Variants in SRP72 observed in about 807,000 individuals in gnomAD.
SRP72 encodes the protein signal recognition particle subunit SRP72.
SRP72 carries 49 observed loss-of-function variants against 96.3 expected under a neutral mutation model. The observed-to-expected ratio is 0.51, with a 90% CI of 0.40 to 0.65. The LOEUF is 0.65. Ranked by LOEUF, SRP72 falls within the 30% of genes least tolerant of loss-of-function variation. The pLI, the probability that SRP72 is intolerant of heterozygous loss-of-function variation, is 0.00. For synonymous variants in SRP72, 267 were observed against 275.2 expected (o/e 0.97, Z 0.30); for missense variants, 736 against 793.3 (o/e 0.93, Z 0.87).
At position 56,500,570 on chromosome 4, in the gene SRP72, C is replaced by G. The variant is rs1470204953; in HGVS notation, c.1713C>G (p.Thr571=). ...CTAAGAATTATGACCCAAAAGTTACCCCAGATCCAGAAAGATGGCTGCCAA... is the reference window on the plus strand; with the variant it reads ...CTAAGAATTATGACCCAAAAGTTACGCCAGATCCAGAAAGATGGCTGCCAA... ...KLPKNYDPKV[T]PDPERWLPMR... is the part of the protein sequence containing the mutation. The change falls in exon 18 of 19, where the codon ACC becomes ACG. Residue 571 remains threonine (T), a synonymous_variant. Coordinates refer to ENST00000642900, the MANE Select transcript of SRP72 (RefSeq NM_006947.4). 1 of 1,613,526 alleles carries G rather than the reference C, an allele frequency of 6.2e-7. No homozygotes were observed. Among genetic ancestry groups the G allele is most frequent in the Non-Finnish European group, 8.5e-7 (1 of 1,179,776 alleles).
rs564556915 is a variant in SRP72, at chr4:56,497,679, A to G, written c.1678+2285A>G. On this transcript the variant is annotated intron_variant, in intron 17 of 18. Coordinates refer to ENST00000642900, the MANE Select transcript of SRP72 (RefSeq NM_006947.4). ...ATCTTTAAAAAAAAAGAAAAGGAGTATCACCGAGAATATTCTGTTCTTAAC... is the reference window on the plus strand; with the variant it reads ...ATCTTTAAAAAAAAAGAAAAGGAGTGTCACCGAGAATATTCTGTTCTTAAC... 7.9e-5 allele frequency among the ~76,000 whole-genome samples: 12 copies of G among 152,218 alleles called. No individual in the cohort carries two copies. The South Asian group carries it at 2.5e-3, about 32-fold the overall frequency.
chr4:56,479,853 C>G (rs976073960), intron 8 of SRP72, among the ~76,000 whole-genome samples: 1 of 152,084 alleles, frequency 6.6e-6, no homozygotes, highest in African/African-American at 2.4e-5. Flanking sequence ...TTTGAACATA[C>G]AATTTATCTT....
chr4:56,467,773 G>GGGGCGGC, intron 1 of SRP72, 29 bp downstream of exon 1: 2 of 1,078,598 alleles, frequency 1.9e-6, no homozygotes, highest in Non-Finnish European at 1.3e-6. Flanking sequence ...ACTGGGGCGG[G>GGGGCGGC]CCCAGGCCGG....
intron 5 of SRP72, among the ~76,000 whole-genome samples, chr4:56,474,811 A>G (rs2110114432): frequency 6.6e-6 from 1 of 152,266 alleles, no homozygotes; most frequent in African/African-American, 2.4e-5. Context: ...CAGCCTCCCA[A>G]GTAGCTGGGA....
chr4:56,483,062 C>A, intron 8 of SRP72, 77 bp from the exon 9 acceptor site: 1 of 1,380,496 alleles, frequency 7.2e-7, no homozygotes, highest in Non-Finnish European at 9.9e-7. Flanking sequence ...CCTGCTGTAT[C>A]TATATAAAGT....
intron 6 of SRP72, among the ~76,000 whole-genome samples, chr4:56,478,154 CTTT>C (rs796835545): frequency 8.6e-6 from 1 of 115,780 alleles, no homozygotes; most frequent in African/African-American, 3.1e-5. Flanking sequence ...TTTGCCTTTT[CTTT>C]TTTTTTTTTT....
rs542283723 is a variant in SRP72, at chr4:56,491,545, A to T, written c.1617A>T (p.Gly539=). The change falls in exon 16 of 19, where the codon GGA becomes GGT. Residue 539 remains glycine (G), a synonymous_variant. Transcript: ENST00000642900. Reference sequence around the variant, plus strand: ...GGAAGAAGGGTGGAAAAGTTACTGGAGATAGTCAACCAAAGGAACAAGGGT... The same window carrying T: ...GGAAGAAGGGTGGAAAAGTTACTGGTGATAGTCAACCAAAGGAACAAGGGT... ...YIRKKGGKVT[G]DSQPKEQGQG... 154 of 1,613,900 alleles carry T rather than the reference A, an allele frequency of 9.5e-5. 2 individuals carry two copies. In the South Asian group the frequency reaches 1.6e-3, roughly 17 times the overall value.
chr4:56,482,811 ATCTTGTTCTCCATT>A (rs1720555375), intron 8 of SRP72, among the ~76,000 whole-genome samples: 1 of 152,200 alleles, frequency 6.6e-6, no homozygotes, highest in African/African-American at 2.4e-5. Context: ...AATAAAACAA[ATCTTGTTCTCCATT>A]TCTTTAAAGC....
At chr4:56,480,072 GTTC>G (rs1399860925) in intron 8 of SRP72, among the ~76,000 whole-genome samples, 1 of 152,052 alleles carries the variant, frequency 6.6e-6, no homozygotes, top group African/African-American at 2.4e-5. Context: ...CTACTTAGTG[GTTC>G]TTCTCTCCTG....
Position 56,488,013 on chromosome 4 carries a change from G to A in SRP72, c.1224G>A (p.Met408Ile). ...SIEELKHKPG[M>I]VSALVTMYSH... ...AGGAGTTAAAGCATAAACCAGGCAT[G>A]GTGAGTTTTAAAAATTACAAAATTG... The change falls in exon 12 of 19, where the codon ATG (methionine) becomes ATA (isoleucine). Residue 408 changes from methionine to isoleucine, a missense_variant and splice_region_variant. Met to Ile is a conservative substitution (Grantham distance 10). Coordinates refer to ENST00000642900, the MANE Select transcript of SRP72 (RefSeq NM_006947.4). 6.3e-7 allele frequency: 1 copy of A among 1,592,042 alleles called. No individual in the cohort carries two copies. The highest frequency in any genetic ancestry group is 8.5e-7 in the Non-Finnish European group (1 of 1,173,824).
intron 8 of SRP72, among the ~76,000 whole-genome samples, chr4:56,481,414 C>G (rs1474771097): frequency 1.3e-5 from 2 of 152,100 alleles, no homozygotes; most frequent in Non-Finnish European, 2.9e-5. Flanking sequence ...TAGTTTTCTC[C>G]CTTTTTTTGG....
At chr4:56,469,807 T>C (rs368976421) in intron 2 of SRP72, 34 bp downstream of exon 2, 29 of 1,553,524 alleles carry the variant, frequency 1.9e-5, no homozygotes, top group Non-Finnish European at 2.5e-5. Flanking sequence ...GTACAGTTAT[T>C]AGAAACACTT....
chr4:56,468,508 G>A (rs1719838909), intron 1 of SRP72, among the ~76,000 whole-genome samples: 1 of 151,982 alleles, frequency 6.6e-6, no homozygotes, highest in Admixed American at 6.6e-5. Context: ...TGTTCTCGGT[G>A]GTGCGCAGTT....
intron 11 of SRP72, 39 bp from the exon 12 acceptor site, chr4:56,487,910 G>A (rs1720775871): frequency 2.7e-6 from 4 of 1,469,916 alleles, no homozygotes; most frequent in Non-Finnish European, 3.7e-6. Flanking sequence ...CATAATATGT[G>A]TTCTTCTATG....
At chr4:56,477,544 C>G (rs1320182742) in intron 6 of SRP72, among the ~76,000 whole-genome samples, 1 of 152,068 alleles carries the variant, frequency 6.6e-6, no homozygotes, top group East Asian at 1.9e-4. Context: ...CCTCCCACCT[C>G]AGCCTCCTAA....
At chr4:56,486,119 T>G in intron 10 of SRP72, 1 of 451,624 alleles carries the variant, frequency 2.2e-6, no homozygotes, top group Non-Finnish European at 4.1e-6. Flanking sequence ...AAACTTGACT[T>G]CATTGCACTT....
chr4:56,467,838 G>C (rs902241592), intron 1 of SRP72, 94 bp downstream of exon 1: 8 of 1,213,402 alleles, frequency 6.6e-6, no homozygotes, highest in Admixed American at 4.1e-5. Context: ...GGGAGGCACG[G>C]GAAGGGGAGA....
chr4:56,469,854 T>G (rs1432288652), intron 2 of SRP72, 81 bp downstream of exon 2: 19 of 1,307,300 alleles, frequency 1.5e-5, no homozygotes, highest in Non-Finnish European at 1.9e-5. Flanking sequence ...TTTTCCCAAC[T>G]ATTTGCTGAT....
chr4:56,484,727 A>G lies in SRP72; in HGVS notation c.958-9A>G, dbSNP rs773236368. The G allele has an allele frequency of 5.0e-6, 8 of 1,613,244 alleles. No individual in the cohort carries two copies. In the African/African-American group the frequency reaches 1.1e-4, roughly 22 times the overall value. On this transcript the variant is annotated splice_polypyrimidine_tract_variant and intron_variant, in intron 9 of 18. Transcript: ENST00000642900. Reference sequence around the variant, plus strand: ...TTTATTTTTCTTGTGGGGGTTGGATATCTTCTAGGCTGAACAATGCCGCAA... The same window carrying G: ...TTTATTTTTCTTGTGGGGGTTGGATGTCTTCTAGGCTGAACAATGCCGCAA...
Sources: allele counts gnomAD v4.1 joint callset (sites outside exome capture counted in the v4.1 genomes callset), GRCh38; gene constraint gnomAD v4.1.1; transcripts MANE v1.5; gene names NCBI Gene and HGNC (gene_info 2026-07-23, HGNC 2026-07-21).